The following TEX9 variants were observed in gnomAD, a reference collection of about 807,000 sequenced individuals.
TEX9 encodes the protein testis-expressed protein 9.
Under a neutral mutation model 59.6 loss-of-function variants are expected in TEX9, and 74 were observed. That is an observed-to-expected ratio of 1.24 (90% CI 1.03 to 1.51). The LOEUF (loss-of-function observed/expected upper bound fraction) is 1.51, where lower values mean the gene tolerates loss of function less well. Among genes scored for constraint, TEX9 ranks in the 40% most tolerant of loss-of-function variants. The probability of loss-of-function intolerance (pLI) is 0.00; values close to 1 mark genes in which losing one functional copy is unlikely to be tolerated. For missense variants in TEX9, 522 were observed against 447.8 expected, an observed-to-expected ratio of 1.17 and a Z score of -1.49; for synonymous variants, 186 against 152.2, an observed-to-expected ratio of 1.22 and a Z score of -1.64.
intron 3 of TEX9, chr15:56,374,271 T>A (rs538667370): frequency 4.1e-4 from 63 of 152,128 alleles, no homozygotes; most frequent in African/African-American, 1.5e-3. Flanking sequence ...AATCTCCCCC[T>A]GCAAATAAAA....
chr15:56,324,030 A>T (rs74553380), intron 1 of TEX9, among the ~76,000 whole-genome samples: 1 of 152,134 alleles, frequency 6.6e-6, no homozygotes, highest in Non-Finnish European at 1.5e-5. Flanking sequence ...CTGGTACAGT[A>T]TGGGGGTCGT....
intron 9 of TEX9, among the ~76,000 whole-genome samples, chr15:56,399,481 C>G (rs1185368815): frequency 6.6e-6 from 1 of 152,250 alleles, no homozygotes; most frequent in African/African-American, 2.4e-5. Context: ...CAGAGCCCAC[C>G]ACAGCTCAGC....
At chr15:56,382,000 T>C (rs1478061244) in intron 3 of TEX9, among the ~76,000 whole-genome samples, 1 of 152,152 alleles carries the variant, frequency 6.6e-6, no homozygotes, top group Non-Finnish European at 1.5e-5. Flanking sequence ...TAGTCAGAGA[T>C]TGAAGTTAGA....
chr15:56,428,910 G>A, intron 12 of TEX9: 1 of 525,130 alleles, frequency 1.9e-6, no homozygotes, highest in East Asian at 3.4e-5. Flanking sequence ...GAAATTATCA[G>A]TACAAAAATA....
exon 1 of TEX9, chr15:56,244,203 C>T (rs1170939464): frequency 1.3e-5 from 2 of 152,186 alleles, no homozygotes; most frequent in Admixed American, 6.5e-5. Flanking sequence ...AAAGAGAAAT[C>T]AACATTATCC....
chr15:56,411,486 T>C (rs2049339631), intron 9 of TEX9, among the ~76,000 whole-genome samples: 1 of 152,124 alleles, frequency 6.6e-6, no homozygotes, highest in Non-Finnish European at 1.5e-5. Flanking sequence ...TGCCCTAGAG[T>C]ACAAATCTAG....
chr15:56,443,823 CA>C, intron 12 of TEX9: 2 of 1,604,056 alleles, frequency 1.2e-6, no homozygotes, highest in Non-Finnish European at 1.7e-6. Flanking sequence ...CTTCGCATTG[CA>C]TTCATTTTTT....
intron 3 of TEX9, 43 bp downstream of exon 3, chr15:56,373,547 G>GT (rs752836407): frequency 1.5e-5 from 22 of 1,456,058 alleles, no homozygotes; most frequent in Non-Finnish European, 2.0e-5. Context: ...ATAAATGCTA[G>GT]TTTTTTATCT....
chr15:56,379,075 AAAAAAAAAAG>A (rs2047598373), intron 3 of TEX9, among the ~76,000 whole-genome samples: 1 of 144,422 alleles, frequency 6.9e-6, no homozygotes, highest in African/African-American at 2.5e-5. Context: ...AAGAAACAAA[AAAAAAAAAAG>A]AAAGAAAGAA....
At chr15:56,383,826 G>A (rs932575364) in intron 3 of TEX9, 126 bp from the exon 4 acceptor site, 54 of 590,198 alleles carry the variant, frequency 9.1e-5, no homozygotes, top group African/African-American at 7.4e-4. Flanking sequence ...TTAGAATTCC[G>A]TGCCTTTATG....
intron 7 of TEX9, chr15:56,393,826 T>C (rs1252087191): frequency 5.7e-6 from 1 of 176,830 alleles, no homozygotes; most frequent in African/African-American, 2.4e-5. Context: ...TGAGTTTTGC[T>C]AGAGAAGATT....
chr15:56,363,585 T>C (rs1229107861), upstream of TEX9, among the ~76,000 whole-genome samples: 2 of 152,222 alleles, frequency 1.3e-5, no homozygotes, highest in Non-Finnish European at 2.9e-5. Flanking sequence ...TTTTGCCTAC[T>C]TGTATATGTT....
intron 1 of TEX9, among the ~76,000 whole-genome samples, chr15:56,298,370 T>C (rs1339896800): frequency 6.6e-6 from 1 of 152,222 alleles, no homozygotes; most frequent in African/African-American, 2.4e-5. Flanking sequence ...AAATATACTT[T>C]GATTAGTTAG....
intron 1 of TEX9, among the ~76,000 whole-genome samples, chr15:56,289,047 C>T (rs1486476398): frequency 6.6e-6 from 1 of 152,104 alleles, no homozygotes; most frequent in African/African-American, 2.4e-5. Flanking sequence ...ATTGCATTTT[C>T]AACTCCAGAG....
intron 1 of TEX9, among the ~76,000 whole-genome samples, chr15:56,259,288 A>G (rs2044212122): frequency 6.6e-6 from 1 of 152,082 alleles, no homozygotes; most frequent in Non-Finnish European, 1.5e-5. Context: ...AGAGTTAAGT[A>G]GTTGCAACAA....
At chr15:56,267,808 T>G (rs907270115) in intron 1 of TEX9, among the ~76,000 whole-genome samples, 2 of 152,152 alleles carry the variant, frequency 1.3e-5, no homozygotes, top group African/African-American at 4.8e-5. Context: ...CTTGGCAATG[T>G]GGGCTCTTTT....
At chr15:56,274,017 A>C (rs912212371) in intron 1 of TEX9, among the ~76,000 whole-genome samples, 3 of 152,076 alleles carry the variant, frequency 2.0e-5, no homozygotes, top group Non-Finnish European at 2.9e-5. Context: ...ATCTTCAACC[A>C]ATGTTAACTC....
intron 10 of TEX9, among the ~76,000 whole-genome samples, chr15:56,424,185 A>C (rs1394377215): frequency 2.0e-5 from 3 of 152,124 alleles, no homozygotes; most frequent in Non-Finnish European, 4.4e-5. Context: ...ATATAATTGT[A>C]TCTATCTTCT....
exon 3 of TEX9, chr15:56,373,469 A>G: frequency 6.3e-7 from 1 of 1,587,098 alleles, no homozygotes; most frequent in East Asian, 2.3e-5. Context: ...GCAGGCAAAA[A>G]CAGCTGACGT....
Sources: gnomAD v4.1 joint callset for allele counts (sites outside exome capture counted in the v4.1 genomes callset) on GRCh38, gnomAD v4.1.1 for gene constraint, MANE v1.5 for transcripts, NCBI Gene and HGNC (gene_info 2026-07-23, HGNC 2026-07-21) for gene names.